Variants in C2CD2 observed in about 807,000 individuals in gnomAD.
The protein encoded by C2CD2 is C2 calcium dependent domain containing 2, also known as C2 domain-containing protein 2.
Under a neutral mutation model 74.3 loss-of-function variants are expected in C2CD2, and 43 were observed. That is an observed-to-expected ratio of 0.58 (90% CI 0.45 to 0.75). The LOEUF (loss-of-function observed/expected upper bound fraction) is 0.75. Ranked by LOEUF, C2CD2 falls within the 30% of genes least tolerant of loss-of-function variation. C2CD2 has a pLI of 0.00. For synonymous variants in C2CD2, 422 were observed against 390.7 expected (o/e 1.08, Z -0.94); for missense variants, 801 against 916.3 (o/e 0.87, Z 1.63).
intron 2 of C2CD2, 35 bp from the exon 3 acceptor site, chr21:41,922,120 C>T (rs750175775): frequency 1.5e-5 from 20 of 1,309,744 alleles, no homozygotes; most frequent in Middle Eastern, 3.7e-4. Flanking sequence ...AAAACTGTAT[C>T]CAAAACAAAG....
At chr21:41,906,969 C>A in intron 10 of C2CD2, 23 bp downstream of exon 10, 1 of 1,601,194 alleles carries the variant, frequency 6.2e-7, no homozygotes, top group Non-Finnish European at 8.5e-7. Flanking sequence ...GAAAGTTCCT[C>A]GACTGCGTTC....
At chr21:41,914,376 T>C (rs7282354) in intron 6 of C2CD2, among the ~76,000 whole-genome samples, 28,104 of 151,232 alleles carry the variant, frequency 0.19, 2,971 homozygotes, top group Non-Finnish European at 0.24. Flanking sequence ...CCAATTATAC[T>C]CCTTTCCCTC....
intron 13 of C2CD2, among the ~76,000 whole-genome samples, chr21:41,896,333 G>T (rs2064821775): frequency 6.6e-6 from 1 of 152,154 alleles, no homozygotes; most frequent in African/African-American, 2.4e-5. Flanking sequence ...CGTGGGTAAG[G>T]GTTCTGAGCC....
chr21:41,899,043 G>A lies in C2CD2; in HGVS notation c.1870+10C>T. The A allele has an allele frequency of 6.2e-7, 1 of 1,610,154 alleles. No homozygotes were observed. Among genetic ancestry groups the A allele is most frequent in the Non-Finnish European group, 8.5e-7 (1 of 1,178,074 alleles). On this transcript the variant is annotated intron_variant, in intron 13 of 13. Transcript: ENST00000380486. This position sits in a 1 kb window ranked among gnomAD's most constrained non-coding sequence, Gnocchi z 4.4. ...GGGGGGCCCGGGATGGGGGGCTCGG[G>A]AGCAGGTACCTTTATGCTTTTTGGC...
Position 41,899,397 on chromosome 21 carries a change from C to T in C2CD2, c.1561-35G>A. On this transcript the variant is annotated intron_variant, in intron 12 of 13. Transcript: ENST00000380486. The surrounding 1 kb of genome is among the most constrained non-coding windows in gnomAD (Gnocchi z 4.4). ...GCAGTGGGGAAGATGACAAGGGATA[C>T]ATGAAAGGAAGGGAGGGTTTGAAAA... The T allele has an allele frequency of 6.3e-7, 1 of 1,578,664 alleles. No individual in the cohort carries two copies. The highest frequency in any genetic ancestry group is 8.6e-7 in the Non-Finnish European group (1 of 1,163,738).
chr21:41,907,341 G>C (rs79391937), intron 9 of C2CD2, among the ~76,000 whole-genome samples, 175 bp from the exon 10 acceptor site: 1 of 152,144 alleles, frequency 6.6e-6, no homozygotes, highest in Non-Finnish European at 1.5e-5. Context: ...CCAACCTTAC[G>C]CACAGCCAGC....
intron 1 of C2CD2, chr21:41,952,994 A>G (rs545820893): frequency 4.6e-6 from 1 of 216,550 alleles, no homozygotes; most frequent in African/African-American, 2.3e-5. Context: ...GGTCACAGCT[A>G]TTCATGTATC....
Position 41,953,542 on chromosome 21 carries a change from C to T in C2CD2, c.107G>A (p.Trp36Ter). The T allele has an allele frequency of 6.8e-7, 1 of 1,480,734 alleles. No individual in the cohort carries two copies. The highest frequency in any genetic ancestry group is 1.3e-5 in the South Asian group (1 of 76,900). 91.7% of individuals were successfully genotyped at this position (1,480,734 alleles called of 1,614,324 possible). A position where few individuals can be genotyped will look rare whatever the true frequency, so the allele number is the denominator to read the frequency against. Residue 36 changes from tryptophan to a stop codon, truncating the protein, a stop_gained, in exon 1 of 14, where the codon TGG (tryptophan) becomes TAG (stop). Transcript: ENST00000380486. LOFTEE classifies it high-confidence loss of function. ...CTGGGGTCGCGCCCTGGCCAGCGCC[C>T]ACTGCGCCAGGTACAGGCCTACCGT... ...LATVGLYLAQ[W>*]ALARARPQPQ...
In C2CD2 at chr21:41,892,566, G is replaced by A. The variant is rs1028266284; in HGVS notation, c.1871-3222C>T. On this transcript the variant is annotated intron_variant, in intron 13 of 13. Transcript: ENST00000380486. This position sits in a 1 kb window ranked among gnomAD's most constrained non-coding sequence, Gnocchi z 4.6. ...ACAGTGAAGCAGCATCCTCAGCCCC[G>A]AGCCCTCCAAACAACAGGCCTCTAA... Among the ~76,000 whole-genome samples the A allele has an allele frequency of 1.3e-5, 2 of 152,202 alleles. No individual in the cohort carries two copies. The highest frequency in any genetic ancestry group is 2.9e-5 in the Non-Finnish European group (2 of 68,022).
chr21:41,941,329 C>A (rs984146118), intron 2 of C2CD2, among the ~76,000 whole-genome samples: 2 of 152,174 alleles, frequency 1.3e-5, no homozygotes, highest in Non-Finnish European at 2.9e-5. Context: ...GCACTCCAGC[C>A]TGGGCAACAG....
intron 2 of C2CD2, among the ~76,000 whole-genome samples, chr21:41,935,144 C>T (rs541308730): frequency 6.6e-6 from 1 of 152,190 alleles, no homozygotes; most frequent in Non-Finnish European, 1.5e-5. Context: ...CCTGCCCTGG[C>T]CTTCCAAAGT....
chr21:41,913,747 A>T (rs1168870656), intron 6 of C2CD2, among the ~76,000 whole-genome samples: 1 of 152,192 alleles, frequency 6.6e-6, no homozygotes, highest in Non-Finnish European at 1.5e-5. Flanking sequence ...GTTCTTGGCA[A>T]AATGGAGTCG....
At position 41,889,021 on chromosome 21, in the gene C2CD2, C is replaced by G; in HGVS notation, c.*103G>C. ...GATGGTTGGAAGAAACCCAGCAAGA[C>G]AAGCGGGGCATCTGGACATCCGGCG... On this transcript the variant is annotated 3_prime_UTR_variant, in exon 14 of 14. Coordinates refer to ENST00000380486, the MANE Select transcript of C2CD2 (RefSeq NM_015500.2). 2 of 830,634 alleles carry G rather than the reference C, an allele frequency of 2.4e-6. No individual in the cohort carries two copies. Among genetic ancestry groups the G allele is most frequent in the Non-Finnish European group, 4.0e-6 (2 of 498,740 alleles). The allele number at this position is 830,634 out of a possible 1,614,324, so 51.5% of individuals were successfully genotyped here.
Position 41,892,941 on chromosome 21 carries a change from G to A in C2CD2, c.1871-3597C>T, listed in dbSNP as rs870802. 0.22 allele frequency among the ~76,000 whole-genome samples: 33,393 copies of A among 152,158 alleles called. 4,005 individuals carry two copies. Among genetic ancestry groups the A allele is most frequent in the African/African-American group, 0.3 (12,540 of 41,492 alleles). ...GGGCCCGGTGCCACGCCAGAGACGC[G>A]CGGTGCGCCCAGGTTAAGAGGGAAA... On this transcript the variant is annotated intron_variant, in intron 13 of 13. Transcript: ENST00000380486. This position sits in a 1 kb window ranked among gnomAD's most constrained non-coding sequence, Gnocchi z 4.6.
At position 41,914,726 on chromosome 21, in the gene C2CD2, A is replaced by G. The variant is rs1362049566; in HGVS notation, c.721-5T>C. The G allele has an allele frequency of 6.2e-7, 1 of 1,611,146 alleles. No homozygotes were observed. ...AGATGCAGCACACTGTAAGTTCTGA[A>G]AAAATAAAGAGCACTTTATTTTTGG... On this transcript the variant is annotated splice_region_variant and splice_polypyrimidine_tract_variant and intron_variant, in intron 5 of 13. Coordinates refer to ENST00000380486, the MANE Select transcript of C2CD2 (RefSeq NM_015500.2).
At position 41,918,867 on chromosome 21, in the gene C2CD2, C is replaced by T. The variant is rs775587060; in HGVS notation, c.586G>A (p.Ala196Thr). 1 of 1,613,706 alleles carries T rather than the reference C, an allele frequency of 6.2e-7. No individual in the cohort carries two copies. Among genetic ancestry groups the T allele is most frequent in the Non-Finnish European group, 8.5e-7 (1 of 1,179,584 alleles). Reference sequence around the variant, plus strand: ...ACTTACGGACTGACCTCCCCCAGTGCTTTGGGCTGGATATTAACGGCCATT... The same window carrying T: ...ACTTACGGACTGACCTCCCCCAGTGTTTTGGGCTGGATATTAACGGCCATT... ...PEMAVNIQPK[A>T]LGEDQVAETS... Residue 196 changes from alanine to threonine, a missense_variant, in exon 4 of 14, where the codon GCA becomes ACA. Ala to Thr is a moderately conservative substitution (Grantham distance 58). Transcript: ENST00000380486.
chr21:41,907,474 A>G (rs1310324115), intron 9 of C2CD2, among the ~76,000 whole-genome samples, 186 bp downstream of exon 9: 1 of 152,230 alleles, frequency 6.6e-6, no homozygotes, highest in African/African-American at 2.4e-5. Context: ...AGACAACTCA[A>G]TTGTACAGTG....
intron 13 of C2CD2, among the ~76,000 whole-genome samples, chr21:41,896,405 C>T (rs966651560): frequency 2.6e-5 from 4 of 152,172 alleles, no homozygotes; most frequent in Admixed American, 1.3e-4. Flanking sequence ...AGGTTTCTTA[C>T]TGTTCCAAGT....
At position 41,888,680 on chromosome 21, in the gene C2CD2, TCA is replaced by T; in HGVS notation, c.*442_*443del. 5.7e-6 allele frequency: 1 copy of T among 176,034 alleles called. No homozygotes were observed. The highest frequency in any genetic ancestry group is 1.4e-4 in the East Asian group (1 of 7,272). 10.9% of individuals were successfully genotyped at this position (176,034 alleles called of 1,614,324 possible). On this transcript the variant is annotated 3_prime_UTR_variant, in exon 14 of 14. Coordinates refer to ENST00000380486, the MANE Select transcript of C2CD2 (RefSeq NM_015500.2). Reference sequence around the variant, plus strand: ...AAGAGAGGTGACCCATCCTTTCCATTCACAGTGACAGCACAGGGGGGCACCTC... The same window carrying T: ...AAGAGAGGTGACCCATCCTTTCCATTCAGTGACAGCACAGGGGGGCACCTC...
Sources: allele counts gnomAD v4.1 joint callset (sites outside exome capture counted in the v4.1 genomes callset), GRCh38; gene constraint gnomAD v4.1.1; non-coding constraint Gnocchi (gnomAD v3.1); transcripts MANE v1.5; gene names NCBI Gene and HGNC (gene_info 2026-07-23, HGNC 2026-07-21).